Variants in FRMPD3 observed in about 807,000 individuals in gnomAD.
The protein encoded by FRMPD3 is FERM and PDZ domain containing 3.
In FRMPD3, 42 loss-of-function variants were observed where a neutral mutation model predicts 97.9. The observed-to-expected ratio is 0.43, with a 90% confidence interval of 0.34 to 0.55. The LOEUF (loss-of-function observed/expected upper bound fraction) is 0.55. FRMPD3 is among the 20% of genes least tolerant of loss of function. The pLI, the probability that FRMPD3 is intolerant of heterozygous loss-of-function variation, is 0.03. For synonymous variants in FRMPD3, 577 were observed against 581.1 expected, an observed-to-expected ratio of 0.99 and a Z score of 0.10; for missense variants, 1,303 against 1,457.7, an observed-to-expected ratio of 0.89 and a Z score of 1.73.
intron 5 of FRMPD3, among the ~76,000 whole-genome samples, chrX:107,549,414 G>A (rs763099312): frequency 4.5e-5 from 5 of 112,022 alleles, no homozygotes; most frequent in South Asian, 3.8e-4. Context: ...CATGTCTCAG[G>A]GTCGGAGATG....
chrX:107,480,904 GAA>G (rs1491456356), intron 1 of FRMPD3, among the ~76,000 whole-genome samples: 2 of 66,904 alleles, frequency 3.0e-5, no homozygotes, highest in African/African-American at 1.3e-4. Flanking sequence ...AGGAAAGAAA[GAA>G]AGAAAGAAAG....
intron 1 of FRMPD3, among the ~76,000 whole-genome samples, chrX:107,490,153 T>C (rs1376748389): frequency 1.8e-5 from 2 of 112,071 alleles, no homozygotes; most frequent in Non-Finnish European, 3.8e-5. Context: ...GTTGTAGATA[T>C]GCGGCATTAT....
In FRMPD3 at chrX:107,520,497, A is replaced by AAC. The variant is rs1556192920; in HGVS notation, c.-7-6077_-7-6076dup. The stretch of plus-strand genomic sequence containing the variant: ...TCTACTAAAAATACAAAAAAAAAAA[A>AAC]ACACACACAAAAATTAGCCAGGCAT... On this transcript the variant is annotated intron_variant, in intron 1 of 14. Coordinates refer to ENST00000683843, the MANE Select transcript of FRMPD3 (RefSeq NM_001388459.1). 1.0e-4 allele frequency among the ~76,000 whole-genome samples: 11 copies of AAC among 109,755 alleles called. No individual in the cohort carries two copies. In the South Asian group the frequency reaches 1.6e-3, roughly 16 times the overall value.
chrX:107,603,173 G>T lies in FRMPD3; in HGVS notation c.5134G>T (p.Ala1712Ser), dbSNP rs1334720340. Reference sequence around the variant, plus strand: ...GCTGCGTGCAGCTGAGGAGTCCACAGCCCGTAACCTTAACCAGCAGCAGCA... The same window carrying T: ...GCTGCGTGCAGCTGAGGAGTCCACATCCCGTAACCTTAACCAGCAGCAGCA... ...FLLRAAEESTARNLNQQQQQQ... is the reference protein window; with the variant it reads ...FLLRAAEESTSRNLNQQQQQQ... Residue 1712 changes from alanine (A) to serine (S), a missense_variant, in exon 15 of 15, where the codon GCC becomes TCC. Around this residue, in one of 3 missense-constraint regions of FRMPD3, gnomAD observed 764 missense variants for 820.2 expected, o/e 0.93. Transcript: ENST00000683843. 8.2e-6 allele frequency: 9 copies of T among 1,091,157 alleles called. No homozygotes were observed. In the South Asian group the frequency reaches 1.9e-4, roughly 23 times the overall value. The allele number at this position is 1,091,157 out of a possible 1,213,427, so 89.9% of individuals were successfully genotyped here. A position where few individuals can be genotyped will look rare whatever the true frequency, so the allele number is the denominator to read the frequency against.
intron 12 of FRMPD3, among the ~76,000 whole-genome samples, chrX:107,573,521 A>G (rs1050114224): frequency 8.9e-6 from 1 of 111,748 alleles, no homozygotes; most frequent in Admixed American, 9.5e-5. Context: ...AGAAACATTC[A>G]TTAACTGGAG....
intron 8 of FRMPD3, among the ~76,000 whole-genome samples, chrX:107,556,175 G>A (rs1264754198): frequency 2.7e-5 from 3 of 111,420 alleles, no homozygotes; most frequent in African/African-American, 6.5e-5. Context: ...AGACATTGTC[G>A]TTGTCCTTTT....
chrX:107,543,708 C>T (rs1182797939), intron 4 of FRMPD3, among the ~76,000 whole-genome samples: 7 of 108,738 alleles, frequency 6.4e-5, no homozygotes, highest in African/African-American at 2.4e-4. Flanking sequence ...CCCAGCTACT[C>T]GGGAGACTGA....
At chrX:107,600,110 G>A (rs927312771) in intron 14 of FRMPD3, among the ~76,000 whole-genome samples, 193 bp from the exon 15 acceptor site, 1 of 112,064 alleles carries the variant, frequency 8.9e-6, no homozygotes, top group Non-Finnish European at 1.9e-5. Flanking sequence ...AGGCTTTAAA[G>A]TACATGGAAA....
intron 1 of FRMPD3, among the ~76,000 whole-genome samples, chrX:107,503,986 G>C (rs1317241541): frequency 8.9e-6 from 1 of 112,879 alleles, no homozygotes; most frequent in Non-Finnish European, 1.9e-5. Flanking sequence ...AATCACTGCT[G>C]TGTGGCCCAT....
Position 107,531,951 on chromosome X carries a change from A to G in FRMPD3, c.251+1440A>G, listed in dbSNP as rs150951310. 9.6e-3 allele frequency among the ~76,000 whole-genome samples: 1,068 copies of G among 111,815 alleles called. 16 individuals are homozygous for G. Among genetic ancestry groups the G allele is most frequent in the African/African-American group, 0.033 (1,014 of 30,724 alleles). ...GAGCCAGTGGATTATTCATTCATTC[A>G]TTCAGTCAGTCAGTCAATCAACCAG... is the stretch of plus-strand genomic sequence containing the variant. On this transcript the variant is annotated intron_variant, in intron 3 of 14. Coordinates refer to ENST00000683843, the MANE Select transcript of FRMPD3 (RefSeq NM_001388459.1).
chrX:107,480,062 T>C (rs911016002), intron 1 of FRMPD3, among the ~76,000 whole-genome samples: 1 of 109,515 alleles, frequency 9.1e-6, no homozygotes, highest in African/African-American at 3.3e-5. Flanking sequence ...ACCATGATTA[T>C]TGTATTGGTC....
chrX:107,600,707 A>G lies in FRMPD3; in HGVS notation c.2668A>G (p.Asn890Asp). Residue 890 changes from asparagine to aspartate, a missense_variant, in exon 15 of 15, where the codon AAT becomes GAT. By Grantham distance (23) the Asn-to-Asp change is conservative (BLOSUM62 1). Around this residue, in one of 3 missense-constraint regions of FRMPD3, gnomAD observed 764 missense variants for 820.2 expected, o/e 0.93. Coordinates refer to ENST00000683843, the MANE Select transcript of FRMPD3 (RefSeq NM_001388459.1). ...GTCCCCACAGCTTAGTGAACAGAAGAATCTGAGTCTGCTGTCCCCAGTTCC... is the reference window on the plus strand; with the variant it reads ...GTCCCCACAGCTTAGTGAACAGAAGGATCTGAGTCTGCTGTCCCCAGTTCC... The part of the protein sequence containing the change: ...ALSPQLSEQK[N>D]LSLLSPVPED... 8.3e-7 allele frequency: 1 copy of G among 1,203,216 alleles called. No individual in the cohort carries two copies. The highest frequency in any genetic ancestry group is 1.7e-5 in the African/African-American group (1 of 57,522).
intron 12 of FRMPD3, among the ~76,000 whole-genome samples, chrX:107,569,294 CAAAAAAAAAAAAA>C (rs752263727): frequency 1.9e-4 from 4 of 21,254 alleles, no homozygotes; most frequent in Non-Finnish European, 4.4e-4. Flanking sequence ...GACTCCATCT[CAAAAAAAAAAAAA>C]AAAAAAAAAA....
Position 107,601,307 on chromosome X carries a change from G to A in FRMPD3, c.3268G>A (p.Gly1090Ser). 1.7e-6 allele frequency: 2 copies of A among 1,207,684 alleles called. No individual in the cohort carries two copies. Among genetic ancestry groups the A allele is most frequent in the Non-Finnish European group, 2.2e-6 (2 of 893,209 alleles). The change falls in exon 15 of 15, where the codon GGT becomes AGT. Residue 1090 changes from glycine (G) to serine (S), a missense_variant. This residue lies in a region of FRMPD3 where 764 missense variants were observed against 820.2 expected (regional missense o/e 0.93). Transcript: ENST00000683843. Reference protein sequence around the residue: ...EVAGKGGPVGGKPTLQKQGTI... With the variant: ...EVAGKGGPVGSKPTLQKQGTI... The stretch of plus-strand genomic sequence containing the variant: ...GGCAGGCAAAGGCGGGCCAGTGGGT[G>A]GTAAGCCCACCCTGCAGAAGCAGGG...
chrX:107,482,645 A>C (rs767970420), intron 1 of FRMPD3, among the ~76,000 whole-genome samples: 10 of 111,667 alleles, frequency 9.0e-5, no homozygotes, highest in Admixed American at 3.8e-4. Flanking sequence ...TCCATATCCA[A>C]TGTATATATA....
At chrX:107,462,483 C>G (rs773852648) in intron 1 of FRMPD3, among the ~76,000 whole-genome samples, 79 of 112,253 alleles carry the variant, frequency 7.0e-4, no homozygotes, top group South Asian at 2.6e-3. Context: ...AGCATCAGAG[C>G]TTGGGGCTTC....
intron 3 of FRMPD3, among the ~76,000 whole-genome samples, chrX:107,533,128 C>G (rs1159902673): frequency 8.9e-6 from 1 of 111,908 alleles, no homozygotes; most frequent in Admixed American, 9.5e-5. Flanking sequence ...TCCCAGGACT[C>G]TCTGATTTTG....
intron 1 of FRMPD3, among the ~76,000 whole-genome samples, chrX:107,506,940 C>T (rs1225716073): frequency 1.8e-5 from 2 of 111,600 alleles, no homozygotes; most frequent in Non-Finnish European, 3.8e-5. Context: ...AGGGGCAGCG[C>T]GAGAGGGAGG....
intron 13 of FRMPD3, among the ~76,000 whole-genome samples, chrX:107,583,746 A>G (rs1344666093): frequency 9.0e-6 from 1 of 111,350 alleles, no homozygotes; most frequent in African/African-American, 3.3e-5. Flanking sequence ...CCTCACTAGC[A>G]TTTATTGTTT....
Sources: allele counts gnomAD v4.1 joint callset (sites outside exome capture counted in the v4.1 genomes callset), GRCh38; gene constraint gnomAD v4.1.1; regional missense constraint gnomAD v4.1.1; transcripts MANE v1.5; gene names NCBI Gene and HGNC (gene_info 2026-07-23, HGNC 2026-07-21).